MYD88: variants seen among roughly 807,000 people sequenced by gnomAD.
MYD88 encodes the protein myeloid differentiation primary response protein MyD88.
MYD88 carries 15 observed loss-of-function variants against 31.1 expected under a neutral mutation model. The observed-to-expected ratio is 0.48, with a 90% CI of 0.32 to 0.74. The LOEUF is 0.74. Among genes scored for constraint, MYD88 ranks in the 30% least tolerant of loss-of-function variants. The pLI, the probability that MYD88 is intolerant of heterozygous loss-of-function variation, is 0.03. For synonymous variants in MYD88, 157 were observed against 158.8 expected (o/e 0.99, Z 0.08); for missense variants, 308 against 387.4 (o/e 0.79, Z 1.72).
Position 38,141,437 on chromosome 3 carries a change from T to C in MYD88, c.*151T>C. 1 of 1,023,846 alleles carries C rather than the reference T, an allele frequency of 9.8e-7. No individual in the cohort carries two copies. Among genetic ancestry groups the C allele is most frequent in the African/African-American group, 1.6e-5 (1 of 64,090 alleles). 63.4% of individuals were successfully genotyped at this position (1,023,846 alleles called of 1,614,324 possible). On this transcript the variant is annotated 3_prime_UTR_variant, in exon 5 of 5. Coordinates refer to ENST00000650905, the MANE Select transcript of MYD88 (RefSeq NM_002468.5). ...ACTTCACAGACACGTCTGCAGCAGC[T>C]GGACATCACATTTCATGTCCTGCAT...
In MYD88 at chr3:38,142,856, A is replaced by G. The variant is rs1461075992; in HGVS notation, c.*1570A>G. Reference sequence around the variant, plus strand: ...TGCCATGCACCTGTCCCCCTTTAATACTGGGCATTTTAAAGCCATCTCAAG... The same window carrying G: ...TGCCATGCACCTGTCCCCCTTTAATGCTGGGCATTTTAAAGCCATCTCAAG... On this transcript the variant is annotated 3_prime_UTR_variant, in exon 5 of 5. Coordinates refer to ENST00000650905, the MANE Select transcript of MYD88 (RefSeq NM_002468.5). 1 of 233,010 alleles carries G rather than the reference A, an allele frequency of 4.3e-6. No individual in the cohort carries two copies. Among genetic ancestry groups the G allele is most frequent in the Non-Finnish European group, 8.5e-6 (1 of 118,036 alleles). The allele number at this position is 233,010 out of a possible 1,614,324, so 14.4% of individuals were successfully genotyped here.
Position 38,141,405 on chromosome 3 carries a change from G to C in MYD88, c.*119G>C, listed in dbSNP as rs1418591635. The stretch of plus-strand genomic sequence containing the variant: ...CTCTACTTACCTCTCAATTCCTGGA[G>C]ATGCCAACTTCACAGACACGTCTGC... On this transcript the variant is annotated 3_prime_UTR_variant, in exon 5 of 5. Transcript: ENST00000650905. 1 of 1,361,292 alleles carries C rather than the reference G, an allele frequency of 7.3e-7. No individual in the cohort carries two copies. Among genetic ancestry groups the C allele is most frequent in the African/African-American group, 1.4e-5 (1 of 69,896 alleles). The allele number at this position is 1,361,292 out of a possible 1,614,324, so 84.3% of individuals were successfully genotyped here.
chr3:38,142,878 CAA>C lies in MYD88; in HGVS notation c.*1593_*1594del, dbSNP rs1701112870. ...AATACTGGGCATTTTAAAGCCATCT[CAA>C]GAGGCATCTTCTACATGTTTTGTAC... On this transcript the variant is annotated 3_prime_UTR_variant, in exon 5 of 5. Transcript: ENST00000650905. 1 of 233,140 alleles carries C rather than the reference CAA, an allele frequency of 4.3e-6. No homozygotes were observed. The highest frequency in any genetic ancestry group is 2.2e-5 in the African/African-American group (1 of 45,318). The allele number at this position is 233,140 out of a possible 1,614,324, so 14.4% of individuals were successfully genotyped here.
chr3:38,139,772 C>A lies in MYD88; in HGVS notation c.329-92C>A. Reference sequence around the variant, plus strand: ...GGGGAAGCCCTCTAGAACAACCCAGCCAGAGGAGGTGGGACAGCGGCTGGA... The same window carrying A: ...GGGGAAGCCCTCTAGAACAACCCAGACAGAGGAGGTGGGACAGCGGCTGGA... On this transcript the variant is annotated intron_variant, in intron 1 of 4. Coordinates refer to ENST00000650905, the MANE Select transcript of MYD88 (RefSeq NM_002468.5). The surrounding 1 kb of genome is among the most constrained non-coding windows in gnomAD (Gnocchi z 4.7). 1 of 1,552,512 alleles carries A rather than the reference C, an allele frequency of 6.4e-7. No homozygotes were observed. Among genetic ancestry groups the A allele is most frequent in the East Asian group, 2.3e-5 (1 of 44,418 alleles).
At chr3:38,140,653 T>G in intron 3 of MYD88, 85 bp downstream of exon 3, 1 of 1,602,112 alleles carries the variant, frequency 6.2e-7, no homozygotes, top group Non-Finnish European at 8.6e-7. Context: ...CTCCTAGCTG[T>G]GCACTGTCCA....
At chr3:38,140,301 G>C (rs1483151615) in intron 2 of MYD88, 87 bp from the exon 3 acceptor site, 2 of 1,463,744 alleles carry the variant, frequency 1.4e-6, no homozygotes, top group African/African-American at 1.4e-5. Context: ...GCAGGGCCCA[G>C]GGTTGCCTAG....
chr3:38,142,935 A>G lies in MYD88; in HGVS notation c.*1649A>G. ...TAAAATAATTTCAAAGATATCTGAG[A>G]AAAGCCGATATTTGCCATTCTTCCT... On this transcript the variant is annotated 3_prime_UTR_variant, in exon 5 of 5. Coordinates refer to ENST00000650905, the MANE Select transcript of MYD88 (RefSeq NM_002468.5). 1 of 233,276 alleles carries G rather than the reference A, an allele frequency of 4.3e-6. No individual in the cohort carries two copies. Among genetic ancestry groups the G allele is most frequent in the Non-Finnish European group, 8.5e-6 (1 of 118,040 alleles). 14.5% of individuals were successfully genotyped at this position (233,276 alleles called of 1,614,324 possible). A position where few individuals can be genotyped will look rare whatever the true frequency, so the allele number is the denominator to read the frequency against.
At position 38,139,706 on chromosome 3, in the gene MYD88, ACTT is replaced by A. The variant is rs1701026581; in HGVS notation, c.329-155_329-153del. On this transcript the variant is annotated intron_variant, in intron 1 of 4. Transcript: ENST00000650905. This position sits in a 1 kb window ranked among gnomAD's most constrained non-coding sequence, Gnocchi z 4.7. ...GTCAGTTAGAGCCAGTGGGAGCTCA[ACTT>A]CTCAGAGCCGTTGAGCTTCGCGTGG... 1.3e-5 allele frequency: 12 copies of A among 923,604 alleles called. No individual in the cohort carries two copies. The highest frequency in any genetic ancestry group is 1.0e-4 in the South Asian group (7 of 69,742). The allele number at this position is 923,604 out of a possible 1,614,324, so 57.2% of individuals were successfully genotyped here.
chr3:38,140,083 G>C, intron 2 of MYD88, 85 bp downstream of exon 2: 1 of 1,537,080 alleles, frequency 6.5e-7, no homozygotes, highest in East Asian at 2.3e-5. Context: ...CAGATGGGCT[G>C]TGAGACCTTG....
In MYD88 at chr3:38,141,202, G is replaced by A. The variant is rs374614507; in HGVS notation, c.807G>A (p.Arg269=). The A allele has an allele frequency of 5.0e-6, 8 of 1,614,064 alleles. No individual in the cohort carries two copies. Among genetic ancestry groups the A allele is most frequent in the Non-Finnish European group, 6.8e-6 (8 of 1,180,044 alleles). The part of the protein sequence containing the change: ...AMKKEFPSIL[R]FITVCDYTNP... The stretch of plus-strand genomic sequence containing the variant: ...AGAAAGAGTTCCCCAGCATCCTGAG[G>A]TTCATCACTGTCTGCGACTACACCA... The change falls in exon 5 of 5, where the codon AGG becomes AGA. Residue 269 remains arginine (R), a synonymous_variant. Transcript: ENST00000650905.
At position 38,142,908 on chromosome 3, in the gene MYD88, A is replaced by G. The variant is rs1575280409; in HGVS notation, c.*1622A>G. The G allele has an allele frequency of 4.3e-6, 1 of 233,188 alleles. No individual in the cohort carries two copies. Among genetic ancestry groups the G allele is most frequent in the African/African-American group, 2.2e-5 (1 of 45,344 alleles). 14.4% of individuals were successfully genotyped at this position (233,188 alleles called of 1,614,324 possible). A position where few individuals can be genotyped will look rare whatever the true frequency, so the allele number is the denominator to read the frequency against. ...GGCATCTTCTACATGTTTTGTACGC[A>G]TTAAAATAATTTCAAAGATATCTGA... On this transcript the variant is annotated 3_prime_UTR_variant, in exon 5 of 5. Transcript: ENST00000650905.
chr3:38,141,485 A>G lies in MYD88; in HGVS notation c.*199A>G. 1.4e-6 allele frequency: 1 copy of G among 712,182 alleles called. No homozygotes were observed. Among genetic ancestry groups the G allele is most frequent in the Non-Finnish European group, 2.4e-6 (1 of 409,204 alleles). The allele number at this position is 712,182 out of a possible 1,614,324, so 44.1% of individuals were successfully genotyped here. ...CATGGAACCAGTGGCTGTGAGTGGC[A>G]TGTCCACTTGCTGGATTATCAGCCA... On this transcript the variant is annotated 3_prime_UTR_variant, in exon 5 of 5. Transcript: ENST00000650905.
chr3:38,141,642 T>C lies in MYD88; in HGVS notation c.*356T>C. 1 of 442,856 alleles carries C rather than the reference T, an allele frequency of 2.3e-6. No homozygotes were observed. The highest frequency in any genetic ancestry group is 4.0e-5 in the East Asian group (1 of 25,228). The allele number at this position is 442,856 out of a possible 1,614,324, so 27.4% of individuals were successfully genotyped here. On this transcript the variant is annotated 3_prime_UTR_variant, in exon 5 of 5. Transcript: ENST00000650905. ...GGATGGGGAGAACAGAGAGTAGCTGTGTTTGAATCCCTGTAGGAAATGGTG... is the reference window on the plus strand; with the variant it reads ...GGATGGGGAGAACAGAGAGTAGCTGCGTTTGAATCCCTGTAGGAAATGGTG...
rs1303725541 is a variant in MYD88 at position 38,139,192 on chromosome 3, GGT to G, written c.328+165_328+166del. ...CGGGTCCCGTTCCTTCTTAATAACC[GGT>G]CGCGGTTATTAAGAAGGACTGGAGA... is the stretch of plus-strand genomic sequence containing the variant. On this transcript the variant is annotated intron_variant, in intron 1 of 4. Coordinates refer to ENST00000650905, the MANE Select transcript of MYD88 (RefSeq NM_002468.5). The surrounding 1 kb of genome is among the most constrained non-coding windows in gnomAD (Gnocchi z 4.7). 2.8e-5 allele frequency: 28 copies of G among 997,282 alleles called. No individual in the cohort carries two copies. The highest frequency in any genetic ancestry group is 7.0e-5 in the South Asian group (4 of 57,380). 61.8% of individuals were successfully genotyped at this position (997,282 alleles called of 1,614,324 possible).
Position 38,142,272 on chromosome 3 carries a change from A to G in MYD88, c.*986A>G, listed in dbSNP as rs1048770215. On this transcript the variant is annotated 3_prime_UTR_variant, in exon 5 of 5. Coordinates refer to ENST00000650905, the MANE Select transcript of MYD88 (RefSeq NM_002468.5). Reference sequence around the variant, plus strand: ...CTCCTGCCCCAAAGCTTGTGGGCACATGGGCACATACAGACTCACATACAG... The same window carrying G: ...CTCCTGCCCCAAAGCTTGTGGGCACGTGGGCACATACAGACTCACATACAG... The G allele has an allele frequency of 4.3e-6, 1 of 233,200 alleles. No individual in the cohort carries two copies. Among genetic ancestry groups the G allele is most frequent in the African/African-American group, 2.2e-5 (1 of 45,344 alleles). The allele number at this position is 233,200 out of a possible 1,614,324, so 14.4% of individuals were successfully genotyped here.
In MYD88 at chr3:38,141,144, A is replaced by G. The variant is rs2125780279; in HGVS notation, c.749A>G (p.Lys250Arg). Residue 250 changes from lysine to arginine, a missense_variant, in exon 5 of 5, where the codon AAG (lysine) becomes AGG (arginine). By Grantham distance (26) the Lys-to-Arg change is conservative. Transcript: ENST00000650905. ...ALSLSPGAHQ[K>R]RLIPIKYKAM... ...CCTTGGCTTGCAGGTGCCCATCAGAAGCGACTGATCCCCATCAAGTACAAG... is the reference window on the plus strand; with the variant it reads ...CCTTGGCTTGCAGGTGCCCATCAGAGGCGACTGATCCCCATCAAGTACAAG... The G allele has an allele frequency of 6.2e-7, 1 of 1,614,200 alleles. No individual in the cohort carries two copies. The highest frequency in any genetic ancestry group is 1.1e-5 in the South Asian group (1 of 91,080).
At position 38,139,701 on chromosome 3, in the gene MYD88, G is replaced by T; in HGVS notation, c.329-163G>T. 1 of 855,190 alleles carries T rather than the reference G, an allele frequency of 1.2e-6. No homozygotes were observed. The highest frequency in any genetic ancestry group is 1.9e-6 in the Non-Finnish European group (1 of 532,558). 53.0% of individuals were successfully genotyped at this position (855,190 alleles called of 1,614,324 possible). A position where few individuals can be genotyped will look rare whatever the true frequency, so the allele number is the denominator to read the frequency against. The stretch of plus-strand genomic sequence containing the variant: ...TTTGGGTCAGTTAGAGCCAGTGGGA[G>T]CTCAACTTCTCAGAGCCGTTGAGCT... On this transcript the variant is annotated intron_variant, in intron 1 of 4. Transcript: ENST00000650905. The surrounding 1 kb of genome is among the most constrained non-coding windows in gnomAD (Gnocchi z 4.7).
chr3:38,139,901 G>T lies in MYD88; in HGVS notation c.366G>T (p.Gln122His), dbSNP rs372319724. Residue 122 changes from glutamine to histidine, a missense_variant, in exon 2 of 5, where the codon CAG becomes CAT. Gln to His is a conservative substitution (Grantham distance 24, BLOSUM62 0). Transcript: ENST00000650905. The surrounding 1 kb of genome is among the most constrained non-coding windows in gnomAD (Gnocchi z 4.7). Reference sequence around the variant, plus strand: ...AAAAGTATATCTTGAAGCAGCAGCAGGAGGAGGCTGAGAAGCCTTTACAGG... The same window carrying T: ...AAAAGTATATCTTGAAGCAGCAGCATGAGGAGGCTGAGAAGCCTTTACAGG... ...DCQKYILKQQ[Q>H]EEAEKPLQVA... 235 of 1,613,412 alleles carry T rather than the reference G, an allele frequency of 1.5e-4. No homozygotes were observed. The highest frequency in any genetic ancestry group is 1.9e-4 in the Non-Finnish European group (225 of 1,180,016).
intron 2 of MYD88, 31 bp downstream of exon 2, chr3:38,140,029 G>A (rs2125777929): frequency 1.9e-6 from 3 of 1,611,150 alleles, no homozygotes; most frequent in Non-Finnish European, 2.5e-6. Flanking sequence ...CCATGGGACA[G>A]GTGGAATAGG....
Sources: allele counts gnomAD v4.1 joint callset, GRCh38; gene constraint gnomAD v4.1.1; non-coding constraint Gnocchi (gnomAD v3.1); transcripts MANE v1.5; gene names NCBI Gene and HGNC (gene_info 2026-07-23, HGNC 2026-07-21).